ADAMTSL1: variants seen among roughly 807,000 people sequenced by gnomAD.
ADAMTSL1 encodes the protein ADAMTS like 1, also known as ADAMTS-like protein 1.
In ADAMTSL1, 126 loss-of-function variants were observed where a neutral mutation model predicts 201.8. That is an observed-to-expected ratio of 0.62 (90% CI 0.54 to 0.72). The LOEUF (loss-of-function observed/expected upper bound fraction) is 0.72, where lower values mean the gene tolerates loss of function less well. ADAMTSL1 is among the 30% of genes least tolerant of loss of function. ADAMTSL1 has a pLI of 0.00. For missense variants in ADAMTSL1, 2,679 were observed against 2,277.8 expected, an observed-to-expected ratio of 1.18 and a Z score of -3.59; for synonymous variants, 1,121 against 903.4, an observed-to-expected ratio of 1.24 and a Z score of -4.32.
At chr9:18,016,165 C>G (rs1820252267) in intron 1 of ADAMTSL1, among the ~76,000 whole-genome samples, 1 of 152,022 alleles carries the variant, frequency 6.6e-6, no homozygotes, top group African/African-American at 2.4e-5. Context: ...TGTACATCCA[C>G]TCTAATGGCT....
intron 1 of ADAMTSL1, among the ~76,000 whole-genome samples, chr9:18,108,194 G>T (rs1824845386): frequency 7.3e-6 from 1 of 136,824 alleles, no homozygotes; most frequent in Non-Finnish European, 1.5e-5. Context: ...CAAGAGTGTG[G>T]AATTTTTTTT....
intron 14 of ADAMTSL1, among the ~76,000 whole-genome samples, chr9:18,719,515 C>T (rs1273322236): frequency 2.6e-5 from 4 of 152,112 alleles, no homozygotes; most frequent in Non-Finnish European, 4.4e-5. Flanking sequence ...CAGGTGTGCA[C>T]CACCATAGCT....
intron 23 of ADAMTSL1, among the ~76,000 whole-genome samples, chr9:18,854,698 C>T (rs1009333168): frequency 5.3e-5 from 8 of 152,106 alleles, no homozygotes; most frequent in Admixed American, 2.0e-4. Flanking sequence ...GAGTGAATAG[C>T]TGGGCTCTAG....
chr9:18,714,959 A>C (rs1402330474), intron 14 of ADAMTSL1, among the ~76,000 whole-genome samples: 1 of 141,890 alleles, frequency 7.0e-6, no homozygotes, highest in East Asian at 2.0e-4. Context: ...CAAATCAATA[A>C]ATGTAATCCA....
At chr9:18,355,043 G>C (rs1009867026) in intron 2 of ADAMTSL1, among the ~76,000 whole-genome samples, 2 of 152,022 alleles carry the variant, frequency 1.3e-5, no homozygotes, top group African/African-American at 4.8e-5. Context: ...TTGCCCCTCT[G>C]TCCTTCATGC....
intron 26 of ADAMTSL1, chr9:18,905,533 T>C (rs989553040): frequency 6.0e-6 from 3 of 503,350 alleles, no homozygotes; most frequent in African/African-American, 5.8e-5. Context: ...TGACGTTCTC[T>C]TACTGGTTCT....
chr9:18,204,254 G>T (rs943864655), intron 2 of ADAMTSL1, among the ~76,000 whole-genome samples: 2 of 152,086 alleles, frequency 1.3e-5, no homozygotes, highest in Admixed American at 6.6e-5. Context: ...GATCATGGGG[G>T]TGGTTTCCCT....
Position 18,775,764 on chromosome 9 carries a change from G to T in ADAMTSL1, c.2419G>T (p.Gly807Cys). ...CCAGTGTTCCACAAGCTGCGGGGAA[G>T]GCACCCAGACTCGAAGCGCCATTTG... Reference protein sequence around the residue: ...WTECSTSCGEGTQTRSAICRK... With the variant: ...WTECSTSCGECTQTRSAICRK... Residue 807 changes from glycine to cysteine, a missense_variant, in exon 18 of 29, where the codon GGC (glycine) becomes TGC (cysteine). Physicochemically the swap from Gly to Cys is radical, Grantham distance 159. Transcript: ENST00000380548. The T allele has an allele frequency of 6.2e-7, 1 of 1,613,046 alleles. No homozygotes were observed. The highest frequency in any genetic ancestry group is 8.5e-7 in the Non-Finnish European group (1 of 1,179,534).
At chr9:18,279,300 T>C (rs1042815341) in intron 2 of ADAMTSL1, among the ~76,000 whole-genome samples, 1 of 152,042 alleles carries the variant, frequency 6.6e-6, no homozygotes, top group Non-Finnish European at 1.5e-5. Flanking sequence ...ACATGTTTTA[T>C]TCATATTTGG....
chr9:18,864,739 A>G (rs2131431238), intron 23 of ADAMTSL1, among the ~76,000 whole-genome samples: 1 of 152,336 alleles, frequency 6.6e-6, no homozygotes, highest in Non-Finnish European at 1.5e-5. Flanking sequence ...AGAGACAAAC[A>G]TGCAGAAAGT....
At chr9:18,122,944 G>T (rs1304193619) in intron 1 of ADAMTSL1, among the ~76,000 whole-genome samples, 2 of 151,966 alleles carry the variant, frequency 1.3e-5, no homozygotes, top group Non-Finnish European at 2.9e-5. Flanking sequence ...TCACCATGTT[G>T]TCCAGGCTGG....
chr9:18,615,157 CT>C (rs1232726073), intron 4 of ADAMTSL1, among the ~76,000 whole-genome samples: 1 of 152,194 alleles, frequency 6.6e-6, no homozygotes, highest in African/African-American at 2.4e-5. Context: ...CTGTTACCAC[CT>C]TTGCGAATTA....
intron 20 of ADAMTSL1, among the ~76,000 whole-genome samples, chr9:18,797,541 T>C (rs1822503672): frequency 6.6e-6 from 1 of 152,122 alleles, no homozygotes; most frequent in Admixed American, 6.6e-5. Context: ...GCAATTTACT[T>C]CAAATGTATG....
At chr9:18,895,722 T>C (rs2131580342) in intron 26 of ADAMTSL1, among the ~76,000 whole-genome samples, 1 of 152,214 alleles carries the variant, frequency 6.6e-6, no homozygotes, top group South Asian at 2.1e-4. Context: ...ATGCTCAGAG[T>C]ATACCCAGCT....
intron 1 of ADAMTSL1, among the ~76,000 whole-genome samples, chr9:17,943,486 T>C (rs1382439564): frequency 6.6e-6 from 1 of 152,082 alleles, no homozygotes; most frequent in African/African-American, 2.4e-5. Context: ...CCGAACCTTG[T>C]GGGTGGGGGT....
At chr9:18,767,918 A>G (rs907439595) in intron 16 of ADAMTSL1, among the ~76,000 whole-genome samples, 8 of 152,234 alleles carry the variant, frequency 5.3e-5, no homozygotes, top group African/African-American at 1.7e-4. Flanking sequence ...ACGACACACT[A>G]GAAAAGCCCT....
intron 3 of ADAMTSL1, among the ~76,000 whole-genome samples, chr9:18,540,590 C>G (rs113355570): frequency 1.3e-5 from 2 of 152,282 alleles, no homozygotes; most frequent in African/African-American, 4.8e-5. Context: ...TTTATCTATG[C>G]TGAAGAGCCT....
At chr9:18,651,668 A>T (rs182373974) in intron 7 of ADAMTSL1, among the ~76,000 whole-genome samples, 1 of 152,174 alleles carries the variant, frequency 6.6e-6, no homozygotes, top group South Asian at 2.1e-4. Flanking sequence ...CATCATTCCA[A>T]TTGTTACCAA....
At chr9:18,318,797 G>A (rs1254403145) in intron 2 of ADAMTSL1, among the ~76,000 whole-genome samples, 1 of 152,136 alleles carries the variant, frequency 6.6e-6, no homozygotes, top group Admixed American at 6.5e-5. Flanking sequence ...AACGGCTGAA[G>A]GATATTATAT....
Sources: allele counts gnomAD v4.1 joint callset (sites outside exome capture counted in the v4.1 genomes callset), GRCh38; gene constraint gnomAD v4.1.1; transcripts MANE v1.5; gene names NCBI Gene and HGNC (gene_info 2026-07-23, HGNC 2026-07-21).